Variants in PDE4D observed in about 807,000 individuals in gnomAD.
The protein encoded by PDE4D is phosphodiesterase 4D.
PDE4D carries 24 observed loss-of-function variants against 87.4 expected under a neutral mutation model. That is an observed-to-expected ratio of 0.27 (90% confidence interval 0.20 to 0.39). PDE4D has a LOEUF of 0.39. PDE4D is among the 10% of genes least tolerant of loss of function. The pLI is 1.00. For synonymous variants in PDE4D, 384 were observed against 383.2 expected, an observed-to-expected ratio of 1.00 and a Z score of -0.02; for missense variants, 714 against 1,041.0, an observed-to-expected ratio of 0.69 and a Z score of 4.32.
chr5:59,696,902 A>G (rs1751865061), intron 1 of PDE4D, among the ~76,000 whole-genome samples: 1 of 152,210 alleles, frequency 6.6e-6, no homozygotes, highest in South Asian at 2.1e-4. Flanking sequence ...AAAGAGATAC[A>G]CATATGAGAA....
At chr5:60,107,095 A>G (rs1459727030) in intron 2 of PDE4D, among the ~76,000 whole-genome samples, 1 of 152,196 alleles carries the variant, frequency 6.6e-6, no homozygotes, top group African/African-American at 2.4e-5. Context: ...GATCAACAAA[A>G]TTGATAGACC....
intron 1 of PDE4D, among the ~76,000 whole-genome samples, chr5:59,618,825 G>T (rs575742979): frequency 6.6e-6 from 1 of 152,066 alleles, no homozygotes; most frequent in Admixed American, 6.6e-5. Flanking sequence ...CTCATGGGAG[G>T]CATTGGTGCC....
At chr5:59,458,054 T>C (rs1225049254) in intron 1 of PDE4D, among the ~76,000 whole-genome samples, 1 of 152,220 alleles carries the variant, frequency 6.6e-6, no homozygotes, top group African/African-American at 2.4e-5. Flanking sequence ...ACTTCTGATC[T>C]GCTTTCTTAT....
intron 2 of PDE4D, among the ~76,000 whole-genome samples, chr5:60,057,987 A>G (rs1770965673): frequency 6.6e-6 from 1 of 151,984 alleles, no homozygotes; most frequent in Admixed American, 6.6e-5. Context: ...GATTCTCTAA[A>G]TCTTCTGCTT....
At chr5:60,344,639 CTTA>C (rs1446218607) in intron 1 of PDE4D, among the ~76,000 whole-genome samples, 2 of 152,134 alleles carry the variant, frequency 1.3e-5, no homozygotes, top group Admixed American at 6.6e-5. Context: ...CTACCTCAGT[CTTA>C]TTACGAAAGC....
intron 1 of PDE4D, among the ~76,000 whole-genome samples, chr5:59,846,558 C>T (rs1273105393): frequency 6.6e-6 from 1 of 151,984 alleles, no homozygotes; most frequent in African/African-American, 2.4e-5. Context: ...TTTTCAGAAC[C>T]ATCGAGTAGA....
At chr5:60,447,216 T>C (rs1745715704) in intron 1 of PDE4D, among the ~76,000 whole-genome samples, 1 of 152,194 alleles carries the variant, frequency 6.6e-6, no homozygotes, top group South Asian at 2.1e-4. Context: ...ATGGTCCATA[T>C]GGGGCCTCTG....
chr5:59,973,542 A>G (rs185941083), intron 3 of PDE4D, among the ~76,000 whole-genome samples: 127 of 152,328 alleles, frequency 8.3e-4, no homozygotes, highest in Middle Eastern at 3.4e-3. Flanking sequence ...GCTTTGACAT[A>G]TAGAGTTTTA....
At chr5:60,350,999 C>T (rs967781335) in intron 1 of PDE4D, among the ~76,000 whole-genome samples, 1 of 152,096 alleles carries the variant, frequency 6.6e-6, no homozygotes, top group Non-Finnish European at 1.5e-5. Flanking sequence ...TTAAAAACTA[C>T]AACAAGCAGA....
At chr5:59,535,208 A>G (rs537454866) in intron 1 of PDE4D, among the ~76,000 whole-genome samples, 5 of 152,170 alleles carry the variant, frequency 3.3e-5, no homozygotes, top group African/African-American at 1.2e-4. Context: ...CAGTTCTTTA[A>G]GTGGAAGTCT....
chr5:59,034,663 T>C (rs948034697), intron 6 of PDE4D, among the ~76,000 whole-genome samples: 2 of 152,208 alleles, frequency 1.3e-5, no homozygotes, highest in African/African-American at 4.8e-5. Flanking sequence ...AGAAACATGC[T>C]AGAGAGGTTT....
At chr5:60,391,530 A>C (rs1354515569) in intron 1 of PDE4D, among the ~76,000 whole-genome samples, 2 of 152,290 alleles carry the variant, frequency 1.3e-5, no homozygotes, top group East Asian at 3.9e-4. Context: ...GAGATCATCC[A>C]CATTCTGTGG....
intron 1 of PDE4D, among the ~76,000 whole-genome samples, chr5:59,365,854 C>T (rs1335726800): frequency 6.6e-6 from 1 of 152,036 alleles, no homozygotes; most frequent in Non-Finnish European, 1.5e-5. Flanking sequence ...AACTGACAAA[C>T]GGTCCCTTTG....
At chr5:59,347,698 T>C (rs932119641) in intron 1 of PDE4D, among the ~76,000 whole-genome samples, 1 of 152,210 alleles carries the variant, frequency 6.6e-6, no homozygotes, top group African/African-American at 2.4e-5. Context: ...CTCTTCCCCC[T>C]ACATCTTCTT....
chr5:59,629,501 A>G (rs1372443677), intron 1 of PDE4D, among the ~76,000 whole-genome samples: 1 of 152,094 alleles, frequency 6.6e-6, no homozygotes, highest in East Asian at 1.9e-4. Flanking sequence ...AGACGAAGAG[A>G]AAATACAGAG....
At chr5:59,760,398 G>C (rs1761824753) in intron 1 of PDE4D, among the ~76,000 whole-genome samples, 1 of 151,958 alleles carries the variant, frequency 6.6e-6, no homozygotes, top group African/African-American at 2.4e-5. Context: ...TTCTACTGTT[G>C]GATATGTTTT....
intron 3 of PDE4D, among the ~76,000 whole-genome samples, chr5:59,959,764 C>T (rs1759262130): frequency 6.6e-6 from 1 of 152,126 alleles, no homozygotes; most frequent in Admixed American, 6.6e-5. Flanking sequence ...CTAGAAAATA[C>T]TCTTCTGGAC....
At chr5:59,311,914 G>T (rs907799802) in intron 1 of PDE4D, among the ~76,000 whole-genome samples, 1 of 152,038 alleles carries the variant, frequency 6.6e-6, no homozygotes, top group African/African-American at 2.4e-5. Context: ...GCCCTGCATC[G>T]GCCCTGGAGA....
intron 1 of PDE4D, among the ~76,000 whole-genome samples, chr5:59,248,155 AT>A: frequency 6.7e-6 from 1 of 148,656 alleles, no homozygotes; most frequent in South Asian, 2.3e-4. Flanking sequence ...ATTTTACAAA[AT>A]ACAAGAAAAA....
Sources: gnomAD v4.1 joint callset for allele counts (sites outside exome capture counted in the v4.1 genomes callset) on GRCh38, gnomAD v4.1.1 for gene constraint, MANE v1.5 for transcripts, NCBI Gene and HGNC (gene_info 2026-07-23, HGNC 2026-07-21) for gene names.